The following GPC6 variants were observed in gnomAD, a reference collection of about 807,000 sequenced individuals.
The protein encoded by GPC6 is glypican 6, also known as glypican-6.
A neutral mutation model predicts 55.2 loss-of-function variants in GPC6; 14 were observed. That is an observed-to-expected ratio of 0.25 (90% CI 0.17 to 0.40). The LOEUF (loss-of-function observed/expected upper bound fraction) is 0.40. Among genes scored for constraint, GPC6 ranks in the 10% least tolerant of loss-of-function variants. The pLI is 1.00. For synonymous variants in GPC6, 278 were observed against 259.6 expected, an observed-to-expected ratio of 1.07 and a Z score of -0.68; for missense variants, 641 against 708.5, an observed-to-expected ratio of 0.90 and a Z score of 1.08.
chr13:93,589,667 G>A (rs1191983335), intron 2 of GPC6, among the ~76,000 whole-genome samples: 1 of 152,118 alleles, frequency 6.6e-6, no homozygotes, highest in Non-Finnish European at 1.5e-5. Flanking sequence ...CATAACCTCT[G>A]TAAATGTCAG....
At chr13:94,013,174 C>G (rs1287879330) in intron 3 of GPC6, among the ~76,000 whole-genome samples, 1 of 151,352 alleles carries the variant, frequency 6.6e-6, no homozygotes, top group Non-Finnish European at 1.5e-5. Context: ...CTATTTTATT[C>G]TAATGAATGA....
At chr13:94,379,301 T>C (rs1880050238) in intron 6 of GPC6, among the ~76,000 whole-genome samples, 1 of 152,194 alleles carries the variant, frequency 6.6e-6, no homozygotes, top group African/African-American at 2.4e-5. Context: ...CATCACCGTC[T>C]GCAGGTGAAT....
At chr13:93,936,978 C>A (rs1878468543) in intron 3 of GPC6, among the ~76,000 whole-genome samples, 2 of 152,156 alleles carry the variant, frequency 1.3e-5, no homozygotes, top group Non-Finnish European at 2.9e-5. Flanking sequence ...CCGTTCAAAG[C>A]CAGTGCTATT....
At chr13:93,527,322 A>G (rs1881692496) in intron 1 of GPC6, among the ~76,000 whole-genome samples, 1 of 152,100 alleles carries the variant, frequency 6.6e-6, no homozygotes, top group Non-Finnish European at 1.5e-5. Context: ...CGTTCGATGT[A>G]AAGACATTTT....
At chr13:93,609,833 A>AC (rs2139537639) in intron 2 of GPC6, among the ~76,000 whole-genome samples, 1 of 152,170 alleles carries the variant, frequency 6.6e-6, no homozygotes, top group African/African-American at 2.4e-5. Flanking sequence ...CTATTGGAAC[A>AC]CCTCAAGCTG....
At chr13:93,746,612 A>T (rs776887313) in intron 2 of GPC6, among the ~76,000 whole-genome samples, 1 of 152,190 alleles carries the variant, frequency 6.6e-6, no homozygotes, top group African/African-American at 2.4e-5. Flanking sequence ...TTAATCCACA[A>T]GCAAAAGAAT....
At chr13:93,341,943 G>A (rs1039091442) in intron 1 of GPC6, among the ~76,000 whole-genome samples, 5 of 148,348 alleles carry the variant, frequency 3.4e-5, no homozygotes, top group Admixed American at 2.7e-4. Flanking sequence ...TTAAGATGGA[G>A]TCTCACTCGG....
intron 4 of GPC6, among the ~76,000 whole-genome samples, chr13:94,107,478 T>C (rs1162986496): frequency 6.6e-6 from 1 of 152,090 alleles, no homozygotes; most frequent in Non-Finnish European, 1.5e-5. Context: ...GGCTCAAATA[T>C]AGACTTAGTC....
intron 1 of GPC6, among the ~76,000 whole-genome samples, chr13:93,453,994 G>A (rs556187608): frequency 5.8e-4 from 88 of 152,234 alleles, no homozygotes; most frequent in African/African-American, 2.0e-3. Context: ...TTGACAGGGC[G>A]CTGATTGGTG....
At chr13:93,734,644 A>C (rs1464510403) in intron 2 of GPC6, among the ~76,000 whole-genome samples, 1 of 152,186 alleles carries the variant, frequency 6.6e-6, no homozygotes, top group Non-Finnish European at 1.5e-5. Flanking sequence ...AAAAACACCA[A>C]ATTGTGATGG....
chr13:94,209,806 A>AT (rs771447120), intron 4 of GPC6, among the ~76,000 whole-genome samples: 13 of 151,938 alleles, frequency 8.6e-5, no homozygotes, highest in Admixed American at 2.6e-4. Context: ...TCATTGTACC[A>AT]TTTTTTCTGT....
chr13:94,117,053 T>G (rs1886456979), intron 4 of GPC6, among the ~76,000 whole-genome samples: 1 of 152,104 alleles, frequency 6.6e-6, no homozygotes, highest in African/African-American at 2.4e-5. Flanking sequence ...TCAATTACCC[T>G]TGCAGTGCAC....
chr13:94,155,029 A>T (rs1205951030), intron 4 of GPC6, among the ~76,000 whole-genome samples: 1 of 151,990 alleles, frequency 6.6e-6, no homozygotes, highest in Non-Finnish European at 1.5e-5. Flanking sequence ...AGGGCACTGC[A>T]TTGGTCCTTT....
intron 3 of GPC6, among the ~76,000 whole-genome samples, chr13:94,002,694 A>G (rs1881858407): frequency 6.6e-6 from 1 of 152,156 alleles, no homozygotes; most frequent in Non-Finnish European, 1.5e-5. Flanking sequence ...CAGAAGGTGA[A>G]AAAAAACTCC....
rs1207384078 is a variant in GPC6, at chr13:94,175,981, G to A, written c.878-110368G>A. ...AGAGAGAGAGAGAGAGAGAGAGAGA[G>A]AGAGAGAGAGAGCGAGCTTGTCCAA... On this transcript the variant is annotated intron_variant, in intron 4 of 8. Transcript: ENST00000377047. Among the ~76,000 whole-genome samples the A allele has an allele frequency of 2.7e-5, 4 of 146,340 alleles. No individual in the cohort carries two copies. In the East Asian group the frequency reaches 7.9e-4, roughly 29 times the overall value.
At chr13:93,280,366 C>T (rs1877908709) in intron 1 of GPC6, among the ~76,000 whole-genome samples, 2 of 152,120 alleles carry the variant, frequency 1.3e-5, no homozygotes, top group Non-Finnish European at 2.9e-5. Context: ...TATCCAGAGC[C>T]AAATAATGTA....
At chr13:93,327,580 G>T (rs1460636735) in intron 1 of GPC6, among the ~76,000 whole-genome samples, 1 of 152,042 alleles carries the variant, frequency 6.6e-6, no homozygotes. Context: ...AGAAGACCTG[G>T]ATTAAAATCC....
chr13:93,771,922 C>G (rs1885314164), intron 2 of GPC6, among the ~76,000 whole-genome samples: 1 of 152,166 alleles, frequency 6.6e-6, no homozygotes, highest in African/African-American at 2.4e-5. Flanking sequence ...GTACCTTGTT[C>G]TGCCTGCTGA....
intron 1 of GPC6, among the ~76,000 whole-genome samples, chr13:93,279,353 G>T (rs542683308): frequency 1.8e-4 from 28 of 152,336 alleles, no homozygotes; most frequent in African/African-American, 6.5e-4. Flanking sequence ...CTAGAAGACA[G>T]TAAGAAATGG....
Sources: allele counts gnomAD v4.1 joint callset (sites outside exome capture counted in the v4.1 genomes callset), GRCh38; gene constraint gnomAD v4.1.1; transcripts MANE v1.5; gene names NCBI Gene and HGNC (gene_info 2026-07-23, HGNC 2026-07-21).